The following SEMA6D variants were observed in gnomAD, a reference collection of about 807,000 sequenced individuals.
The protein encoded by SEMA6D is semaphorin-6D.
A neutral mutation model predicts 106.6 loss-of-function variants in SEMA6D; 35 were observed. The ratio of observed to expected loss-of-function variants is 0.33; its 90% CI spans 0.25 to 0.44. The LOEUF is 0.44. Among genes scored for constraint, SEMA6D ranks in the 20% least tolerant of loss-of-function variants. The pLI is 1.00. For missense variants in SEMA6D, 1,185 were observed against 1,345.9 expected (o/e 0.88, Z 1.87); for synonymous variants, 499 against 487.7 (o/e 1.02, Z -0.31).
chr15:47,680,821 A>C (rs920147677), intron 4 of SEMA6D, among the ~76,000 whole-genome samples: 4 of 152,242 alleles, frequency 2.6e-5, no homozygotes, highest in Non-Finnish European at 5.9e-5. Flanking sequence ...ACAAATGACC[A>C]ACAGGTCTAT....
At chr15:47,277,426 G>C (rs1054976319) in intron 1 of SEMA6D, among the ~76,000 whole-genome samples, 2 of 151,798 alleles carry the variant, frequency 1.3e-5, no homozygotes, top group African/African-American at 4.8e-5. Flanking sequence ...CAGCCACCCT[G>C]GCCTTTAGCA....
At chr15:47,419,413 G>A (rs1290018856) in intron 2 of SEMA6D, among the ~76,000 whole-genome samples, 1 of 152,104 alleles carries the variant, frequency 6.6e-6, no homozygotes, top group Non-Finnish European at 1.5e-5. Context: ...ATTAGAGAAA[G>A]TGATAATGAG....
chr15:47,631,700 T>C (rs963886566), intron 4 of SEMA6D, among the ~76,000 whole-genome samples: 1 of 151,960 alleles, frequency 6.6e-6, no homozygotes, highest in Non-Finnish European at 1.5e-5. Flanking sequence ...GGTCTTTCCC[T>C]AGAACCTATT....
At chr15:47,679,437 T>G (rs760255730) in intron 4 of SEMA6D, among the ~76,000 whole-genome samples, 3 of 152,200 alleles carry the variant, frequency 2.0e-5, no homozygotes, top group African/African-American at 4.8e-5. Context: ...TCTTTGGCCT[T>G]GGTTCTTTTA....
chr15:47,314,706 C>G (rs967776465), intron 1 of SEMA6D, among the ~76,000 whole-genome samples: 1 of 148,874 alleles, frequency 6.7e-6, no homozygotes, highest in African/African-American at 2.5e-5. Flanking sequence ...TGTGGCTTGT[C>G]TTTGCAGTCT....
At chr15:47,496,187 A>C (rs2043651251) in intron 3 of SEMA6D, among the ~76,000 whole-genome samples, 1 of 152,040 alleles carries the variant, frequency 6.6e-6, no homozygotes, top group South Asian at 2.1e-4. Context: ...TATTTTCTCT[A>C]GCTGGTCAAA....
At chr15:47,228,137 TACACACACACAC>T (rs72361942) in intron 1 of SEMA6D, among the ~76,000 whole-genome samples, 1 of 135,090 alleles carries the variant, frequency 7.4e-6, no homozygotes. Context: ...TGTGTGTGTG[TACACACACACAC>T]ACACACACAC....
chr15:47,612,640 G>A (rs906498135), intron 4 of SEMA6D, among the ~76,000 whole-genome samples: 1 of 152,138 alleles, frequency 6.6e-6, no homozygotes, highest in African/African-American at 2.4e-5. Context: ...TTGTATCTGG[G>A]CTTAGAAAAT....
chr15:47,686,164 T>C (rs2078464017), intron 4 of SEMA6D, among the ~76,000 whole-genome samples: 1 of 152,244 alleles, frequency 6.6e-6, no homozygotes. Flanking sequence ...TATTTACTTA[T>C]ACTCTACCTG....
At chr15:47,713,273 G>T (rs8028579), upstream of SEMA6D, among the ~76,000 whole-genome samples, 4,828 of 152,144 alleles carry the variant, frequency 0.032, 252 homozygotes, top group African/African-American at 0.11. Flanking sequence ...ACTTTAAAAA[G>T]CACATTTTTA....
intron 1 of SEMA6D, among the ~76,000 whole-genome samples, chr15:47,410,227 G>A (rs531466168): frequency 8.6e-5 from 13 of 151,954 alleles, no homozygotes; most frequent in East Asian, 1.9e-4. Flanking sequence ...CAAGGGATCC[G>A]CTTGCCTTGG....
intron 4 of SEMA6D, among the ~76,000 whole-genome samples, chr15:47,661,717 G>A (rs145844864): frequency 0.024 from 3,730 of 152,288 alleles, 65 homozygotes; most frequent in Middle Eastern, 0.041. Flanking sequence ...TTTGTGCAAA[G>A]CAAAACCGCG....
chr15:47,496,515 C>T (rs1405693973), intron 3 of SEMA6D, among the ~76,000 whole-genome samples: 2 of 152,016 alleles, frequency 1.3e-5, no homozygotes, highest in Non-Finnish European at 2.9e-5. Flanking sequence ...GTTTTCAGCT[C>T]CACAAGCTTA....
intron 1 of SEMA6D, among the ~76,000 whole-genome samples, chr15:47,276,071 T>G (rs963872908): frequency 6.6e-6 from 1 of 152,138 alleles, no homozygotes; most frequent in African/African-American, 2.4e-5. Flanking sequence ...ATGAATCTCT[T>G]TGATTCTATG....
chr15:47,462,015 G>A (rs1449246861), intron 2 of SEMA6D, among the ~76,000 whole-genome samples: 1 of 151,904 alleles, frequency 6.6e-6, no homozygotes, highest in Non-Finnish European at 1.5e-5. Context: ...ACTATTTGGT[G>A]ATTCTAGATA....
chr15:47,531,822 AC>A (rs1371304814), intron 3 of SEMA6D, among the ~76,000 whole-genome samples: 1 of 152,202 alleles, frequency 6.6e-6, no homozygotes, highest in African/African-American at 2.4e-5. Flanking sequence ...CTAATGAACT[AC>A]CAATTAGAGG....
intron 1 of SEMA6D, among the ~76,000 whole-genome samples, chr15:47,324,082 G>A (rs2037032694): frequency 6.6e-6 from 1 of 151,732 alleles, no homozygotes; most frequent in African/African-American, 2.4e-5. Context: ...TGTTACAGGT[G>A]TTTTGCTTGG....
exon 1 of SEMA6D, chr15:47,184,234 G>A (rs1363446077): frequency 6.5e-6 from 1 of 153,250 alleles, no homozygotes; most frequent in Non-Finnish European, 1.5e-5. Flanking sequence ...CGGGGAGCGT[G>A]CCTGCGTCGC....
At chr15:47,450,229 C>T (rs1260884035) in intron 2 of SEMA6D, among the ~76,000 whole-genome samples, 2 of 152,136 alleles carry the variant, frequency 1.3e-5, no homozygotes, top group African/African-American at 4.8e-5. Context: ...TTCCCGTTCT[C>T]CCTTTTCTGA....
Sources: gnomAD v4.1 joint callset for allele counts (sites outside exome capture counted in the v4.1 genomes callset) on GRCh38, gnomAD v4.1.1 for gene constraint, MANE v1.5 for transcripts, NCBI Gene and HGNC (gene_info 2026-07-23, HGNC 2026-07-21) for gene names.